The following PDZD2 variants were observed in gnomAD, a reference collection of about 807,000 sequenced individuals.
PDZD2 encodes PDZ domain containing 2.
PDZD2 carries 90 observed loss-of-function variants against 220.7 expected under a neutral mutation model. That is an observed-to-expected ratio of 0.41 (90% CI 0.34 to 0.49). The LOEUF (loss-of-function observed/expected upper bound fraction) is 0.49. Ranked by LOEUF, PDZD2 falls within the 20% of genes least tolerant of loss-of-function variation. PDZD2 has a pLI of 0.28. For synonymous variants in PDZD2, 1,375 were observed against 1,450.5 expected, an observed-to-expected ratio of 0.95 and a Z score of 1.18; for missense variants, 3,174 against 3,608.5, an observed-to-expected ratio of 0.88 and a Z score of 3.08.
At chr5:31,951,169 T>C (rs574176044) in intron 2 of PDZD2, among the ~76,000 whole-genome samples, 1 of 152,254 alleles carries the variant, frequency 6.6e-6, no homozygotes, top group East Asian at 1.9e-4. Flanking sequence ...CGTGCTCAAG[T>C]GATCCTCCCA....
chr5:31,920,428 T>C (rs1744126114), intron 2 of PDZD2, among the ~76,000 whole-genome samples: 1 of 151,178 alleles, frequency 6.6e-6, no homozygotes, highest in Admixed American at 6.6e-5. Context: ...TTGTTAAAAT[T>C]GATGAACCTC....
intron 10 of PDZD2, among the ~76,000 whole-genome samples, chr5:32,056,386 T>C (rs578247550): frequency 1.3e-5 from 2 of 152,352 alleles, no homozygotes; most frequent in East Asian, 1.9e-4. Flanking sequence ...TGTGTTCTTA[T>C]GCTGCTTTGC....
intron 1 of PDZD2, among the ~76,000 whole-genome samples, chr5:31,689,336 CATAT>C (rs200801339): frequency 9.1e-5 from 5 of 55,220 alleles, no homozygotes; most frequent in Admixed American, 2.9e-4. Context: ...TATACATATA[CATAT>C]ATATATATAT....
At chr5:32,049,640 A>G (rs1008285174) in intron 8 of PDZD2, among the ~76,000 whole-genome samples, 14 of 152,224 alleles carry the variant, frequency 9.2e-5, no homozygotes, top group Admixed American at 8.5e-4. Flanking sequence ...AGGTGCTCGA[A>G]TCAGTCAATT....
At chr5:31,915,940 G>A (rs1743638675) in intron 2 of PDZD2, among the ~76,000 whole-genome samples, 1 of 152,158 alleles carries the variant, frequency 6.6e-6, no homozygotes, top group African/African-American at 2.4e-5. Flanking sequence ...GCTTGGCAGG[G>A]ACTCCAAGTG....
At chr5:32,104,600 A>G (rs556027716) in intron 24 of PDZD2, among the ~76,000 whole-genome samples, 17 of 151,058 alleles carry the variant, frequency 1.1e-4, no homozygotes, top group African/African-American at 3.9e-4. Flanking sequence ...CATGCCTGTA[A>G]TCCCAGCTAC....
intron 14 of PDZD2, among the ~76,000 whole-genome samples, chr5:32,066,526 T>C (rs920921296): frequency 6.6e-6 from 1 of 152,230 alleles, no homozygotes; most frequent in East Asian, 1.9e-4. Context: ...AGGTTGCATC[T>C]AAAGCAGTTC....
chr5:31,941,709 T>G (rs1373978896), intron 2 of PDZD2, among the ~76,000 whole-genome samples: 20 of 152,252 alleles, frequency 1.3e-4, no homozygotes, highest in Admixed American at 1.3e-3. Context: ...ATCCTGCTGT[T>G]TTCATACTGC....
chr5:31,938,004 G>A (rs1388796555), intron 2 of PDZD2, among the ~76,000 whole-genome samples: 1 of 152,194 alleles, frequency 6.6e-6, no homozygotes, highest in Non-Finnish European at 1.5e-5. Context: ...AAGAATATAG[G>A]ACAGAGATAG....
chr5:31,786,009 T>G (rs1255900133), intron 1 of PDZD2, among the ~76,000 whole-genome samples: 1 of 152,118 alleles, frequency 6.6e-6, no homozygotes, highest in Non-Finnish European at 1.5e-5. Flanking sequence ...CCGAAATCTT[T>G]CCTTCTGAAT....
chr5:31,987,184 G>GA (rs1329337370), intron 3 of PDZD2, among the ~76,000 whole-genome samples: 90 of 152,224 alleles, frequency 5.9e-4, no homozygotes, highest in East Asian at 5.8e-4. Flanking sequence ...GCTACATGTT[G>GA]AAAATGAATA....
intron 1 of PDZD2, among the ~76,000 whole-genome samples, chr5:31,652,371 ACAATGGCGGT>A (rs1745385963): frequency 6.6e-6 from 1 of 152,204 alleles, no homozygotes; most frequent in Non-Finnish European, 1.5e-5. Context: ...AGGTTTGCCA[ACAATGGCGGT>A]CCTGCAGATA....
intron 1 of PDZD2, among the ~76,000 whole-genome samples, chr5:31,775,320 G>A (rs561169789): frequency 5.1e-4 from 77 of 150,434 alleles, no homozygotes; most frequent in Middle Eastern, 3.4e-3. Context: ...TAGGTGGCTG[G>A]AATAGAGATG....
intron 2 of PDZD2, among the ~76,000 whole-genome samples, chr5:31,891,262 G>T (rs1741014050): frequency 6.7e-6 from 1 of 150,230 alleles, no homozygotes; most frequent in African/African-American, 2.5e-5. Context: ...TCAGCCTCCT[G>T]AGTAGCTGGG....
At chr5:31,876,936 G>C (rs1184563293) in intron 2 of PDZD2, among the ~76,000 whole-genome samples, 2 of 152,078 alleles carry the variant, frequency 1.3e-5, no homozygotes, top group Non-Finnish European at 2.9e-5. Context: ...AGACTGCCCA[G>C]GTTCTAGCAT....
At chr5:31,963,329 C>CT (rs555866861) in intron 2 of PDZD2, among the ~76,000 whole-genome samples, 1 of 152,152 alleles carries the variant, frequency 6.6e-6, no homozygotes, top group Non-Finnish European at 1.5e-5. Context: ...TGATTTTTTC[C>CT]TTTTAAAGGA....
chr5:32,089,693 A>T lies in PDZD2; in HGVS notation c.6245A>T (p.Asp2082Val). The T allele has an allele frequency of 6.2e-7, 1 of 1,614,210 alleles. No individual in the cohort carries two copies. The highest frequency in any genetic ancestry group is 1.3e-5 in the African/African-American group (1 of 75,062). Residue 2082 changes from aspartate to valine, a missense_variant, in exon 20 of 25, where the codon GAT (aspartate) becomes GTT (valine). This residue lies in a region of PDZD2 where 1,861 missense variants were observed against 2,001.0 expected (regional missense o/e 0.93). Coordinates refer to ENST00000438447, the MANE Select transcript of PDZD2 (RefSeq NM_178140.4). ...GEKGGNIMASDRLERTNQLKI... is the reference protein window; with the variant it reads ...GEKGGNIMASVRLERTNQLKI... Reference sequence around the variant, plus strand: ...AAAGGAGGCAACATAATGGCCAGCGATCGCCTCGAAAGAACAAACCAGCTG... The same window carrying T: ...AAAGGAGGCAACATAATGGCCAGCGTTCGCCTCGAAAGAACAAACCAGCTG...
intron 1 of PDZD2, among the ~76,000 whole-genome samples, chr5:31,753,378 G>A (rs570789311): frequency 4.0e-4 from 61 of 152,274 alleles, no homozygotes; most frequent in African/African-American, 1.2e-3. Context: ...CCAGCAGGGC[G>A]GATCACTTTA....
chr5:31,651,646 T>A (rs1023635868), intron 1 of PDZD2, among the ~76,000 whole-genome samples: 24 of 152,212 alleles, frequency 1.6e-4, no homozygotes, highest in East Asian at 3.9e-4. Context: ...TTATTTATTT[T>A]TTTGAGATAA....
Sources: allele counts gnomAD v4.1 joint callset (sites outside exome capture counted in the v4.1 genomes callset), GRCh38; gene constraint gnomAD v4.1.1; regional missense constraint gnomAD v4.1.1; transcripts MANE v1.5; gene names NCBI Gene and HGNC (gene_info 2026-07-23, HGNC 2026-07-21).